Variants in KLHL4 observed in about 807,000 individuals in gnomAD.
The protein encoded by KLHL4 is kelch like family member 4.
KLHL4 carries 17 observed loss-of-function variants against 45.8 expected under a neutral mutation model. That is an observed-to-expected ratio of 0.37 (90% CI 0.25 to 0.56). The LOEUF is 0.56. KLHL4 is among the 20% of genes least tolerant of loss of function. The probability of loss-of-function intolerance (pLI) is 0.79; values close to 1 mark genes in which losing one functional copy is unlikely to be tolerated. For missense variants in KLHL4, 544 were observed against 544.9 expected (o/e 1.00, Z 0.02); for synonymous variants, 224 against 189.9 (o/e 1.18, Z -1.47).
At chrX:87,630,190 TG>T (rs1923052752) in intron 6 of KLHL4, among the ~76,000 whole-genome samples, 1 of 111,832 alleles carries the variant, frequency 8.9e-6, no homozygotes, top group Non-Finnish European at 1.9e-5. Context: ...GCTTAAATTT[TG>T]ACACTGCCAA....
intron 1 of KLHL4, among the ~76,000 whole-genome samples, chrX:87,532,433 A>G (rs1931315189): frequency 9.1e-6 from 1 of 109,888 alleles, no homozygotes; most frequent in Admixed American, 9.8e-5. Context: ...TTTTGGTTCC[A>G]TATGAACTTT....
chrX:87,614,040 C>T lies in KLHL4; in HGVS notation c.586C>T (p.His196Tyr), dbSNP rs1483180678. Residue 196 changes from histidine (H) to tyrosine (Y), a missense_variant, in exon 2 of 11, where the codon CAT (histidine) becomes TAT (tyrosine). Physicochemically the swap from His to Tyr is moderately conservative, Grantham distance 83. Transcript: ENST00000373119. ...TGCAGGACACCTCCGCATCCCAGCC[C>T]ATAGGTAAGTATTTTTATGTATACA... ...LIAGHLRIPA[H>Y]RLVLSAVSDY... The T allele has an allele frequency of 3.4e-6, 4 of 1,191,596 alleles. No homozygotes were observed. Among genetic ancestry groups the T allele is most frequent in the East Asian group, 3.0e-5 (1 of 33,466 alleles).
chrX:87,565,465 T>G (rs968589466), intron 1 of KLHL4, among the ~76,000 whole-genome samples: 15 of 110,935 alleles, frequency 1.4e-4, no homozygotes, highest in African/African-American at 4.9e-4. Flanking sequence ...TGGTGGCTCA[T>G]GCCTGTAATC....
chrX:87,525,222 G>T (rs1239578772), intron 1 of KLHL4, among the ~76,000 whole-genome samples: 2 of 111,434 alleles, frequency 1.8e-5, no homozygotes, highest in Non-Finnish European at 1.9e-5. Flanking sequence ...TCACAGTTGG[G>T]TATAACAGAA....
At chrX:87,635,054 A>C (rs761416369) in intron 8 of KLHL4, among the ~76,000 whole-genome samples, 16 of 112,160 alleles carry the variant, frequency 1.4e-4, no homozygotes, top group African/African-American at 5.2e-4. Flanking sequence ...TACGAGGGAA[A>C]AAAATCTAGT....
At chrX:87,611,812 C>T (rs921576171) in intron 1 of KLHL4, among the ~76,000 whole-genome samples, 7 of 110,782 alleles carry the variant, frequency 6.3e-5, no homozygotes, top group African/African-American at 9.8e-5. Context: ...GAAAGCTCCA[C>T]GTGTCTTATT....
At chrX:87,647,237 T>C (rs1923667391) in intron 9 of KLHL4, among the ~76,000 whole-genome samples, 1 of 111,350 alleles carries the variant, frequency 9.0e-6, no homozygotes, top group Non-Finnish European at 1.9e-5. Flanking sequence ...CAAAACACAA[T>C]AAATGTTGGC....
At chrX:87,562,954 A>G (rs1490665390) in intron 1 of KLHL4, among the ~76,000 whole-genome samples, 6 of 111,180 alleles carry the variant, frequency 5.4e-5, no homozygotes, top group African/African-American at 9.8e-5. Context: ...AAAGTAAGGA[A>G]AGAGAACAAG....
intron 9 of KLHL4, among the ~76,000 whole-genome samples, chrX:87,638,413 C>T (rs1304887309): frequency 2.7e-5 from 3 of 111,280 alleles, no homozygotes; most frequent in Non-Finnish European, 5.7e-5. Flanking sequence ...AAAGTCAAAA[C>T]AAAGGAAATA....
In KLHL4 at chrX:87,517,879, T is replaced by C. The variant is rs1930916728; in HGVS notation, c.-15T>C. On this transcript the variant is annotated 5_prime_UTR_variant, in exon 1 of 11. Coordinates refer to ENST00000373119, the MANE Select transcript of KLHL4 (RefSeq NM_019117.5). ...CTTTCTGTGAGAGAAGGCTTTTGTC[T>C]TTCCTCCTGCTACGATGTCAGTGTC... 1 of 1,185,821 alleles carries C rather than the reference T, an allele frequency of 8.4e-7. No homozygotes were observed.
chrX:87,653,598 A>G (rs1323410259), intron 9 of KLHL4, among the ~76,000 whole-genome samples: 1 of 111,850 alleles, frequency 8.9e-6, no homozygotes. Context: ...AGAACCAGAA[A>G]TACCATTTGA....
intron 1 of KLHL4, among the ~76,000 whole-genome samples, chrX:87,574,026 T>G (rs1921015101): frequency 8.9e-6 from 1 of 111,857 alleles, no homozygotes; most frequent in African/African-American, 3.2e-5. Flanking sequence ...AGCTAAATAA[T>G]TAACCTTATT....
chrX:87,666,665 A>G lies in KLHL4; in HGVS notation c.*131A>G, dbSNP rs1302478005. 8.0e-6 allele frequency: 8 copies of G among 1,002,397 alleles called. No homozygotes were observed. The highest frequency in any genetic ancestry group is 1.0e-5 in the Non-Finnish European group (8 of 790,589). 82.6% of individuals were successfully genotyped at this position (1,002,397 alleles called of 1,213,427 possible). On this transcript the variant is annotated 3_prime_UTR_variant, in exon 11 of 11. Transcript: ENST00000373119. ...GACTGGAAAATTGTTGTATCATTTT[A>G]ATTTGTAGTTACAATTGCTTTCATT...
intron 6 of KLHL4, 124 bp from the exon 7 acceptor site, chrX:87,632,086 T>G: frequency 2.3e-6 from 1 of 438,361 alleles, no homozygotes; most frequent in South Asian, 4.8e-5. Flanking sequence ...GCTACTTACT[T>G]AATTTGAATT....
At chrX:87,609,409 T>G (rs1365519794) in intron 1 of KLHL4, among the ~76,000 whole-genome samples, 1 of 111,693 alleles carries the variant, frequency 9.0e-6, no homozygotes, top group Non-Finnish European at 1.9e-5. Flanking sequence ...CTCCACATCC[T>G]CTCCAGCACC....
rs776734978 is a variant in KLHL4 at position 87,625,730 on chromosome X, C to T, written c.1258C>T (p.Arg420Trp). 9 of 1,207,145 alleles carry T rather than the reference C, an allele frequency of 7.5e-6. No homozygotes were observed. The highest frequency in any genetic ancestry group is 1.0e-5 in the Non-Finnish European group (9 of 893,688). The change falls in exon 6 of 11, where the codon CGG (arginine) becomes TGG (tryptophan). Residue 420 changes from arginine (R) to tryptophan (W), a missense_variant. Physicochemically the swap from Arg to Trp is moderately radical, Grantham distance 101 (BLOSUM62 -3). Transcript: ENST00000373119. The stretch of plus-strand genomic sequence containing the variant: ...GAGAAGATCCATGATGCAAAGCCCT[C>T]GGACAAAGCCTAGAAAATCAACTGT... Reference protein sequence around the residue: ...PERRSMMQSPRTKPRKSTVGA... With the variant: ...PERRSMMQSPWTKPRKSTVGA...
intron 9 of KLHL4, among the ~76,000 whole-genome samples, chrX:87,643,394 C>A (rs938714649): frequency 5.4e-5 from 6 of 110,597 alleles, no homozygotes; most frequent in Non-Finnish European, 1.1e-4. Context: ...TAACAAGCAG[C>A]AAGATTGAAA....
At position 87,622,370 on chromosome X, in the gene KLHL4, G is replaced by A; in HGVS notation, c.1084G>A (p.Gly362Arg). 8.3e-7 allele frequency: 1 copy of A among 1,207,239 alleles called. No homozygotes were observed. Among genetic ancestry groups the A allele is most frequent in the Non-Finnish European group, 1.1e-6 (1 of 892,638 alleles). ...GGGGCATGATGTGCAGAATAGGCAAGGAGAACTGGGGATGCTGCTTTCTTA... is the reference window on the plus strand; with the variant it reads ...GGGGCATGATGTGCAGAATAGGCAAAGAGAACTGGGGATGCTGCTTTCTTA... ...WVGHDVQNRQ[G>R]ELGMLLSYIR... is the part of the protein sequence containing the mutation. The change falls in exon 5 of 11, where the codon GGA (glycine) becomes AGA (arginine). Residue 362 changes from glycine (G) to arginine (R), a missense_variant. Transcript: ENST00000373119.
At chrX:87,659,007 C>CT (rs1305375693) in intron 9 of KLHL4, among the ~76,000 whole-genome samples, 1 of 108,378 alleles carries the variant, frequency 9.2e-6, no homozygotes, top group Non-Finnish European at 1.9e-5. Context: ...GTTCTTTTCT[C>CT]TTTTTCTTTT....
Sources: allele counts gnomAD v4.1 joint callset (sites outside exome capture counted in the v4.1 genomes callset), GRCh38; gene constraint gnomAD v4.1.1; transcripts MANE v1.5; gene names NCBI Gene and HGNC (gene_info 2026-07-23, HGNC 2026-07-21).